Variants in CCDC88C observed in about 807,000 individuals in gnomAD.
CCDC88C encodes the protein coiled-coil and HOOK domain protein 88C.
Under a neutral mutation model 198.8 loss-of-function variants are expected in CCDC88C, and 131 were observed. The ratio of observed to expected loss-of-function variants is 0.66; its 90% CI spans 0.57 to 0.76. The LOEUF (loss-of-function observed/expected upper bound fraction) is 0.76. CCDC88C is among the 30% of genes least tolerant of loss of function. CCDC88C has a pLI of 0.00. For synonymous variants in CCDC88C, 1,166 were observed against 1,114.7 expected (o/e 1.05, Z -0.92); for missense variants, 2,553 against 2,631.6 (o/e 0.97, Z 0.65).
chr14:91,366,411 G>A (rs953105136), intron 3 of CCDC88C, among the ~76,000 whole-genome samples: 6 of 152,044 alleles, frequency 3.9e-5, no homozygotes, highest in African/African-American at 7.2e-5. Flanking sequence ...GCTTGAACCC[G>A]GGACGCAGAG....
chr14:91,354,555 G>A (rs374619127), intron 4 of CCDC88C, among the ~76,000 whole-genome samples: 2 of 152,228 alleles, frequency 1.3e-5, no homozygotes, highest in African/African-American at 2.4e-5. Flanking sequence ...AGACAGACAC[G>A]TGGTACTGGG....
rs745347761 is a variant in CCDC88C, at chr14:91,283,500, G to A, written c.4459C>T (p.Pro1487Ser). 2 of 1,611,062 alleles carry A rather than the reference G, an allele frequency of 1.2e-6. No homozygotes were observed. Among genetic ancestry groups the A allele is most frequent in the Admixed American group, 3.4e-5 (2 of 59,534 alleles). ...SVGKGPGDLK[P>S]KRGSPHRGSL... ...CCTCTGTGTGGGGAGCCTCGCTTTG[G>A]TTTTAGATCCCCAGGGCCTGAGGCA... The change falls in exon 26 of 30, where the codon CCA becomes TCA. Residue 1487 changes from proline (P) to serine (S), a missense_variant. By Grantham distance (74) the Pro-to-Ser change is moderately conservative. Around this residue, in one of 2 missense-constraint regions of CCDC88C, gnomAD observed 1,293 missense variants for 1,219.6 expected, o/e 1.06. Coordinates refer to ENST00000389857, the MANE Select transcript of CCDC88C (RefSeq NM_001080414.4).
At chr14:91,331,849 G>T (rs1892841753) in intron 10 of CCDC88C, among the ~76,000 whole-genome samples, 2 of 152,204 alleles carry the variant, frequency 1.3e-5, no homozygotes. Context: ...CACCTGGCAA[G>T]CTGGGTATAG....
intron 6 of CCDC88C, among the ~76,000 whole-genome samples, chr14:91,341,177 C>T (rs1354315788): frequency 6.6e-6 from 1 of 152,116 alleles, no homozygotes; most frequent in Non-Finnish European, 1.5e-5. Context: ...AAATCTTATC[C>T]CATGATTCAG....
chr14:91,347,886 T>C (rs563477960), intron 4 of CCDC88C, among the ~76,000 whole-genome samples: 2 of 152,330 alleles, frequency 1.3e-5, no homozygotes, highest in South Asian at 4.2e-4. Context: ...CATGCACACG[T>C]ACGTTTATAG....
At chr14:91,358,859 G>A (rs919038751) in intron 4 of CCDC88C, among the ~76,000 whole-genome samples, 11 of 152,134 alleles carry the variant, frequency 7.2e-5, no homozygotes, top group Admixed American at 1.3e-4. Context: ...CCTAGAACGC[G>A]TGCCTGCCAG....
chr14:91,283,638 C>T (rs1021711496), intron 25 of CCDC88C, 121 bp from the exon 26 acceptor site: 1 of 937,790 alleles, frequency 1.1e-6, no homozygotes, highest in Non-Finnish European at 1.6e-6. Flanking sequence ...AAAAGCGGGG[C>T]TGCCACAGCT....
At chr14:91,401,346 A>ATTTT (rs141579899) in intron 3 of CCDC88C, among the ~76,000 whole-genome samples, 1 of 127,036 alleles carries the variant, frequency 7.9e-6, no homozygotes, top group African/African-American at 2.7e-5. Context: ...ATATATATAT[A>ATTTT]TTTTTTGAGA....
chr14:91,400,486 G>A (rs1403923352), intron 3 of CCDC88C, among the ~76,000 whole-genome samples: 1 of 152,328 alleles, frequency 6.6e-6, no homozygotes, highest in Middle Eastern at 3.4e-3. Context: ...GCCGACATGG[G>A]GACAGAGCCC....
rs569492814 is a variant in CCDC88C, at chr14:91,284,744, T to C, written c.4442-1227A>G. Among the ~76,000 whole-genome samples the C allele has an allele frequency of 3.9e-5, 6 of 152,364 alleles. No individual in the cohort carries two copies. In the East Asian group the frequency reaches 1.2e-3, roughly 29 times the overall value. On this transcript the variant is annotated intron_variant, in intron 25 of 29. Coordinates refer to ENST00000389857, the MANE Select transcript of CCDC88C (RefSeq NM_001080414.4). This position sits in a 1 kb window ranked among gnomAD's most constrained non-coding sequence, Gnocchi z 4.1. ...TGATTACCTTGTTTTTATGATGATA[T>C]GTGTGTTTTCCACTTACAGGACTGA...
intron 3 of CCDC88C, chr14:91,379,999 C>T (rs1884689726): frequency 3.0e-6 from 2 of 664,436 alleles, no homozygotes; most frequent in Non-Finnish European, 2.7e-6. Flanking sequence ...GCGAGCCCAC[C>T]GTGAGAACCA....
intron 3 of CCDC88C, among the ~76,000 whole-genome samples, chr14:91,406,444 C>T (rs915784337): frequency 1.4e-4 from 21 of 152,350 alleles, no homozygotes; most frequent in African/African-American, 5.1e-4. Flanking sequence ...CAGTGCTATA[C>T]CACTGGCTCT....
rs1480193812 is a variant in CCDC88C at position 91,339,757 on chromosome 14, G to A, written c.624+127C>T. ...CAGGGGCCGTAACCAGGGAAAGCAC[G>A]CACGTCCCACCCCCACCAGAACCTC... On this transcript the variant is annotated intron_variant, in intron 7 of 29. Transcript: ENST00000389857. The surrounding 1 kb of genome is among the most constrained non-coding windows in gnomAD (Gnocchi z 5.8). 8 of 1,174,650 alleles carry A rather than the reference G, an allele frequency of 6.8e-6. No individual in the cohort carries two copies. Among genetic ancestry groups the A allele is most frequent in the Admixed American group, 2.9e-5 (1 of 34,972 alleles). 72.8% of individuals were successfully genotyped at this position (1,174,650 alleles called of 1,614,324 possible).
At chr14:91,355,292 T>A (rs1220438998) in intron 4 of CCDC88C, among the ~76,000 whole-genome samples, 2 of 151,858 alleles carry the variant, frequency 1.3e-5, no homozygotes, top group African/African-American at 4.8e-5. Context: ...AGGATAAGGA[T>A]GGCTGAGGGG....
intron 16 of CCDC88C, among the ~76,000 whole-genome samples, 151 bp from the exon 17 acceptor site, chr14:91,308,643 C>T (rs1368619065): frequency 6.6e-6 from 1 of 152,224 alleles, no homozygotes; most frequent in Non-Finnish European, 1.5e-5. Context: ...AGCCAAAACT[C>T]ATCTTCCCAG....
intron 12 of CCDC88C, 139 bp from the exon 13 acceptor site, chr14:91,321,443 AC>A (rs1227361298): frequency 1.2e-6 from 1 of 867,332 alleles, no homozygotes; most frequent in African/African-American, 1.7e-5. Flanking sequence ...TCAGCTGGGG[AC>A]CCTTCCTCCT....
intron 20 of CCDC88C, among the ~76,000 whole-genome samples, chr14:91,300,345 C>T (rs1404119964): frequency 2.0e-5 from 3 of 152,216 alleles, no homozygotes; most frequent in African/African-American, 7.2e-5. Context: ...AGCAGTCGCT[C>T]TTCCTTTAGC....
chr14:91,314,886 C>A (rs1284103332), intron 14 of CCDC88C, among the ~76,000 whole-genome samples: 2 of 152,172 alleles, frequency 1.3e-5, no homozygotes, highest in African/African-American at 4.8e-5. Flanking sequence ...CCTGTAATCC[C>A]AACACTTTGG....
chr14:91,298,640 C>T (rs1327767958), intron 21 of CCDC88C, among the ~76,000 whole-genome samples: 2 of 152,206 alleles, frequency 1.3e-5, no homozygotes, highest in East Asian at 3.8e-4. Context: ...CCCAGGCAGT[C>T]CCGGGCCCGC....
Sources: allele counts gnomAD v4.1 joint callset (sites outside exome capture counted in the v4.1 genomes callset), GRCh38; gene constraint gnomAD v4.1.1; regional missense constraint gnomAD v4.1.1; non-coding constraint Gnocchi (gnomAD v3.1); transcripts MANE v1.5; gene names NCBI Gene and HGNC (gene_info 2026-07-23, HGNC 2026-07-21).